Variants in RORA observed in about 807,000 individuals in gnomAD.
RORA encodes RAR related orphan receptor A.
RORA carries 7 observed loss-of-function variants against 69.5 expected under a neutral mutation model. The observed-to-expected ratio is 0.10, with a 90% CI of 0.06 to 0.19. The LOEUF (loss-of-function observed/expected upper bound fraction) is 0.19. Among genes scored for constraint, RORA ranks in the 10% least tolerant of loss-of-function variants. The pLI is 1.00. For missense variants in RORA, 457 were observed against 663.0 expected (o/e 0.69, Z 3.41); for synonymous variants, 261 against 240.8 (o/e 1.08, Z -0.78).
intron 1 of RORA, among the ~76,000 whole-genome samples, chr15:60,896,733 T>C (rs1891239471): frequency 4.9e-5 from 1 of 20,512 alleles, no homozygotes; most frequent in African/African-American, 1.3e-4. Flanking sequence ...AGAATTTAGC[T>C]TTTTTTTTTT....
At chr15:60,579,612 G>C (rs142188713) in intron 2 of RORA, among the ~76,000 whole-genome samples, 125 of 152,282 alleles carry the variant, frequency 8.2e-4, no homozygotes, top group African/African-American at 2.9e-3. Flanking sequence ...GAACTACCAT[G>C]AGTTATAGGA....
rs1177562989 is a variant in RORA, at chr15:60,495,342, A to G, written c.*2113T>C. ...ACAGTTAGCATCTCTCTATAAACAC[A>G]TAAAATTTTACATGCCTGTAAGAAA... On this transcript the variant is annotated 3_prime_UTR_variant, in exon 11 of 11. Coordinates refer to ENST00000335670, the MANE Select transcript of RORA (RefSeq NM_134261.3). 6.6e-6 allele frequency: 1 copy of G among 152,212 alleles called. No homozygotes were observed. The highest frequency in any genetic ancestry group is 2.4e-5 in the African/African-American group (1 of 41,448). 9.4% of individuals were successfully genotyped at this position (152,212 alleles called of 1,614,324 possible). A position where few individuals can be genotyped will look rare whatever the true frequency, so the allele number is the denominator to read the frequency against.
intron 1 of RORA, among the ~76,000 whole-genome samples, chr15:61,197,895 C>A (rs2079859699): frequency 9.7e-6 from 1 of 103,532 alleles, no homozygotes. Flanking sequence ...AAGATCCCTC[C>A]CAGGGGGTTC....
intron 1 of RORA, among the ~76,000 whole-genome samples, chr15:60,766,400 A>G (rs1042151666): frequency 5.9e-5 from 9 of 152,194 alleles, no homozygotes; most frequent in African/African-American, 2.2e-4. Context: ...GAATATACAA[A>G]CTGGATATTC....
chr15:61,038,412 G>A (rs1896572892), intron 1 of RORA, among the ~76,000 whole-genome samples: 1 of 152,090 alleles, frequency 6.6e-6, no homozygotes, highest in African/African-American at 2.4e-5. Context: ...AGCAGGTTAT[G>A]GTCTCCATGG....
rs535994712 is a variant in RORA at position 61,112,619 on chromosome 15, C to T, written c.166+116434G>A. Among the ~76,000 whole-genome samples, 8 of 152,266 alleles carry T rather than the reference C, an allele frequency of 5.3e-5. No individual in the cohort carries two copies. The East Asian group carries it at 1.4e-3, about 26-fold the overall frequency. On this transcript the variant is annotated intron_variant, in intron 1 of 10. Transcript: ENST00000335670. ...GAAGCACAGAGCAGGTGAGTAATAA[C>T]GATAATAATAGCAGCTAACATTTAT...
At chr15:60,505,712 A>T in intron 5 of RORA, 83 bp from the exon 6 acceptor site, 1 of 1,495,612 alleles carries the variant, frequency 6.7e-7, no homozygotes, top group Non-Finnish European at 9.2e-7. Flanking sequence ...TTAAGAAATA[A>T]CAAGTAGAAA....
At chr15:60,920,704 T>C (rs994689190) in intron 1 of RORA, among the ~76,000 whole-genome samples, 20 of 152,382 alleles carry the variant, frequency 1.3e-4, no homozygotes, top group Admixed American at 1.3e-3. Context: ...ACCATTGCTA[T>C]AATATTGACA....
intron 1 of RORA, among the ~76,000 whole-genome samples, chr15:60,814,154 C>T (rs1324109368): frequency 2.0e-5 from 3 of 152,186 alleles, no homozygotes; most frequent in Non-Finnish European, 2.9e-5. Flanking sequence ...CCTACAGTGT[C>T]ATGTCTCCAT....
At chr15:60,610,242 G>T (rs965266801) in intron 2 of RORA, among the ~76,000 whole-genome samples, 1 of 150,646 alleles carries the variant, frequency 6.6e-6, no homozygotes, top group Admixed American at 6.6e-5. Context: ...CACAGTCCAG[G>T]GTCTGTGGGG....
At chr15:60,906,325 T>G (rs1891540322) in intron 1 of RORA, among the ~76,000 whole-genome samples, 1 of 152,226 alleles carries the variant, frequency 6.6e-6, no homozygotes, top group Non-Finnish European at 1.5e-5. Flanking sequence ...CAAAATTAAC[T>G]ACCAGGGGCT....
At chr15:60,775,113 C>T (rs368915851) in intron 1 of RORA, among the ~76,000 whole-genome samples, 51 of 152,072 alleles carry the variant, frequency 3.4e-4, no homozygotes, top group African/African-American at 1.2e-3. Flanking sequence ...TTCTTTCAAC[C>T]CTTCTCTCTT....
chr15:60,957,663 G>T (rs994415628), intron 1 of RORA, among the ~76,000 whole-genome samples: 2 of 152,216 alleles, frequency 1.3e-5, no homozygotes, highest in Non-Finnish European at 2.9e-5. Context: ...AGCCTGACTG[G>T]AGGTCAGGAA....
At position 61,213,343 on chromosome 15, in the gene RORA, T is replaced by A. The variant is rs895188607; in HGVS notation, c.166+15710A>T. 1.5e-4 allele frequency among the ~76,000 whole-genome samples: 23 copies of A among 152,152 alleles called. No individual in the cohort carries two copies. Among genetic ancestry groups the A allele is most frequent in the Admixed American group, 1.3e-3 (20 of 15,276 alleles). On this transcript the variant is annotated intron_variant, in intron 1 of 10. Coordinates refer to ENST00000335670, the MANE Select transcript of RORA (RefSeq NM_134261.3). The surrounding 1 kb of genome is among the most constrained non-coding windows in gnomAD (Gnocchi z 4.1). Reference sequence around the variant, plus strand: ...CAGAATCTCCTAACTTGGTTCCTTGTCTCCCTCCCTAACTCCACATAAGTA... The same window carrying A: ...CAGAATCTCCTAACTTGGTTCCTTGACTCCCTCCCTAACTCCACATAAGTA...
At chr15:60,662,140 T>A (rs2070312439) in intron 2 of RORA, among the ~76,000 whole-genome samples, 1 of 152,258 alleles carries the variant, frequency 6.6e-6, no homozygotes, top group Non-Finnish European at 1.5e-5. Flanking sequence ...TAATTATTTC[T>A]GAGAAGCTTT....
At chr15:61,200,476 C>T (rs1214828139) in intron 1 of RORA, among the ~76,000 whole-genome samples, 1 of 152,092 alleles carries the variant, frequency 6.6e-6, no homozygotes, top group Admixed American at 6.5e-5. Context: ...GCAGGAGATA[C>T]CAAATGAATC....
intron 1 of RORA, among the ~76,000 whole-genome samples, chr15:60,869,972 G>A (rs1421603987): frequency 2.0e-5 from 3 of 152,186 alleles, no homozygotes; most frequent in Non-Finnish European, 2.9e-5. Context: ...AGGACTCTTT[G>A]TGTTCCTTGG....
chr15:60,685,117 C>T (rs1337081862), intron 1 of RORA, among the ~76,000 whole-genome samples: 1 of 152,138 alleles, frequency 6.6e-6, no homozygotes, highest in Non-Finnish European at 1.5e-5. Flanking sequence ...GAGAGACAAC[C>T]CTTGACTGGA....
chr15:60,652,881 A>G (rs1396184518), intron 2 of RORA, among the ~76,000 whole-genome samples: 1 of 152,142 alleles, frequency 6.6e-6, no homozygotes, highest in Non-Finnish European at 1.5e-5. Context: ...CTTCCTCTCC[A>G]TTGTTTCTCT....
Sources: gnomAD v4.1 joint callset for allele counts (sites outside exome capture counted in the v4.1 genomes callset) on GRCh38, gnomAD v4.1.1 for gene constraint, Gnocchi (gnomAD v3.1) non-coding constraint, MANE v1.5 for transcripts, NCBI Gene and HGNC (gene_info 2026-07-23, HGNC 2026-07-21) for gene names.